NRG1: variants seen among roughly 807,000 people sequenced by gnomAD.
NRG1 encodes the protein pro-neuregulin-1, membrane-bound isoform.
A neutral mutation model predicts 63.8 loss-of-function variants in NRG1; 18 were observed. That is an observed-to-expected ratio of 0.28 (90% CI 0.19 to 0.42). The LOEUF is 0.42. Among genes scored for constraint, NRG1 ranks in the 10% least tolerant of loss-of-function variants. The pLI is 1.00. For synonymous variants in NRG1, 302 were observed against 301.3 expected (o/e 1.00, Z -0.02); for missense variants, 762 against 814.7 (o/e 0.94, Z 0.79).
At chr8:32,286,535 G>A (rs990758268) in intron 1 of NRG1, among the ~76,000 whole-genome samples, 1 of 152,238 alleles carries the variant, frequency 6.6e-6, no homozygotes, top group Non-Finnish European at 1.5e-5. Context: ...GGTCATGGGG[G>A]CAGATCTATG....
intron 1 of NRG1, among the ~76,000 whole-genome samples, chr8:32,523,811 C>T (rs142503779): frequency 1.6e-3 from 239 of 151,878 alleles, no homozygotes; most frequent in African/African-American, 5.6e-3. Flanking sequence ...CCACTGCACT[C>T]CAGCCTGGGA....
At chr8:32,556,691 C>A (rs563376250) in intron 1 of NRG1, among the ~76,000 whole-genome samples, 1 of 152,176 alleles carries the variant, frequency 6.6e-6, no homozygotes, top group Non-Finnish European at 1.5e-5. Context: ...GAAAATGCAT[C>A]TCATTATTAG....
chr8:31,843,923 T>G (rs1421567477), intron 1 of NRG1, among the ~76,000 whole-genome samples: 1 of 152,200 alleles, frequency 6.6e-6, no homozygotes, highest in Non-Finnish European at 1.5e-5. Context: ...CACTAGGGCT[T>G]CATATTCAAT....
chr8:32,013,751 T>C (rs915023544), intron 1 of NRG1, among the ~76,000 whole-genome samples: 3 of 152,154 alleles, frequency 2.0e-5, no homozygotes, highest in African/African-American at 7.2e-5. Context: ...GTGCAATCTT[T>C]GAGGGGAACA....
chr8:31,907,820 C>T (rs1301053417), intron 1 of NRG1, among the ~76,000 whole-genome samples: 2 of 152,064 alleles, frequency 1.3e-5, no homozygotes, highest in East Asian at 3.9e-4. Flanking sequence ...TGATTGTGTG[C>T]AACTATCTTA....
chr8:32,262,727 G>A (rs866575003), intron 1 of NRG1, among the ~76,000 whole-genome samples: 1 of 152,142 alleles, frequency 6.6e-6, no homozygotes, highest in African/African-American at 2.4e-5. Flanking sequence ...TTCTAACAGA[G>A]GAGATTTCTT....
At chr8:32,417,750 A>T (rs1348728868) in intron 1 of NRG1, among the ~76,000 whole-genome samples, 2 of 152,030 alleles carry the variant, frequency 1.3e-5, no homozygotes, top group Admixed American at 1.3e-4. Flanking sequence ...GGGGTGTGTT[A>T]TAGAAGTAGC....
chr8:31,869,791 C>T (rs1260505361), intron 1 of NRG1, among the ~76,000 whole-genome samples: 1 of 152,118 alleles, frequency 6.6e-6, no homozygotes, highest in East Asian at 1.9e-4. Flanking sequence ...TACAAAAGCC[C>T]ATCAGGGCAG....
chr8:31,699,607 G>A (rs958525396), intron 1 of NRG1, among the ~76,000 whole-genome samples: 7 of 152,074 alleles, frequency 4.6e-5, no homozygotes, highest in East Asian at 1.9e-4. Context: ...TCTGAGAAGA[G>A]GCTCCTGCAA....
intron 1 of NRG1, among the ~76,000 whole-genome samples, chr8:32,335,011 C>T (rs970412): frequency 0.7 from 106,680 of 151,842 alleles, 38,314 homozygotes; most frequent in Non-Finnish European, 0.77. Context: ...ATTATTACTG[C>T]TTCACAGATA....
chr8:31,954,167 A>G (rs569397486), intron 1 of NRG1, among the ~76,000 whole-genome samples: 1 of 152,278 alleles, frequency 6.6e-6, no homozygotes, highest in South Asian at 2.1e-4. Flanking sequence ...CCCTAGTAGA[A>G]TGATAAAATC....
At chr8:31,978,544 C>A (rs1808567598) in intron 1 of NRG1, among the ~76,000 whole-genome samples, 1 of 152,054 alleles carries the variant, frequency 6.6e-6, no homozygotes, top group Non-Finnish European at 1.5e-5. Flanking sequence ...ATTAATGTTG[C>A]AGCATTAATT....
intron 1 of NRG1, among the ~76,000 whole-genome samples, chr8:32,372,035 C>G (rs1563374556): frequency 6.9e-6 from 1 of 144,234 alleles, no homozygotes. Context: ...GTCACCCAGG[C>G]TGGAGTGCAA....
chr8:32,428,277 G>T (rs372517259), intron 1 of NRG1, among the ~76,000 whole-genome samples: 52 of 152,132 alleles, frequency 3.4e-4, no homozygotes, highest in African/African-American at 1.2e-3. Context: ...AGCAGATATG[G>T]GTGAAATGTA....
chr8:32,020,329 T>C (rs1261950470), intron 1 of NRG1, among the ~76,000 whole-genome samples: 1 of 152,234 alleles, frequency 6.6e-6, no homozygotes, highest in Non-Finnish European at 1.5e-5. Context: ...TGAAATACAA[T>C]TAATTTTTGT....
In NRG1 at chr8:31,868,147, T is replaced by TACACACACACAC. The variant is rs1047085862; in HGVS notation, c.37+228752_37+228763dup. Reference sequence around the variant, plus strand: ...AACACACACACACACACATACATCTTACACACACACACACACACACACACA... The same window carrying TACACACACACAC: ...AACACACACACACACACATACATCTTACACACACACACACACACACACACACACACACACACA... On this transcript the variant is annotated intron_variant, in intron 1 of 10. Transcript: ENST00000519301. Among the ~76,000 whole-genome samples, 252 of 32,614 alleles carry TACACACACACAC rather than the reference T, an allele frequency of 7.7e-3. 3 individuals are homozygous for TACACACACACAC. Among genetic ancestry groups the TACACACACACAC allele is most frequent in the African/African-American group, 0.02 (238 of 12,064 alleles). 21.4% of individuals were successfully genotyped at this position (32,614 alleles called of 152,430 possible). A position where few individuals can be genotyped will look rare whatever the true frequency, so the allele number is the denominator to read the frequency against.
intron 1 of NRG1, among the ~76,000 whole-genome samples, chr8:31,840,297 A>C (rs1301942682): frequency 6.6e-6 from 1 of 151,584 alleles, no homozygotes; most frequent in Non-Finnish European, 1.5e-5. Flanking sequence ...GGCTGCTTAA[A>C]TAAGATAAAT....
chr8:31,918,009 T>A (rs1178857848), intron 1 of NRG1, among the ~76,000 whole-genome samples: 1 of 152,142 alleles, frequency 6.6e-6, no homozygotes, highest in Non-Finnish European at 1.5e-5. Flanking sequence ...TCTCTGTCTG[T>A]TATTGGTGTA....
chr8:32,475,092 C>T (rs1416338243), intron 1 of NRG1, among the ~76,000 whole-genome samples: 2 of 152,020 alleles, frequency 1.3e-5, no homozygotes, highest in Admixed American at 6.5e-5. Context: ...GAAAAAGCCC[C>T]AAGTGTTAGA....
Sources: allele counts gnomAD v4.1 joint callset (sites outside exome capture counted in the v4.1 genomes callset), GRCh38; gene constraint gnomAD v4.1.1; transcripts MANE v1.5; gene names NCBI Gene and HGNC (gene_info 2026-07-23, HGNC 2026-07-21).